TVP23B: variants seen among roughly 807,000 people sequenced by gnomAD.
TVP23B encodes the protein Golgi apparatus membrane protein TVP23 homolog B.
In TVP23B, 10 loss-of-function variants were observed where a neutral mutation model predicts 30.6. That is an observed-to-expected ratio of 0.33 (90% CI 0.20 to 0.55). The LOEUF (loss-of-function observed/expected upper bound fraction) is 0.55, where lower values mean the gene tolerates loss of function less well. Among genes scored for constraint, TVP23B ranks in the 20% least tolerant of loss-of-function variants. The pLI is 0.91. For missense variants in TVP23B, 153 were observed against 243.2 expected, an observed-to-expected ratio of 0.63 and a Z score of 2.47; for synonymous variants, 67 against 83.1, an observed-to-expected ratio of 0.81 and a Z score of 1.06.
At chr17:18,781,626 G>C in intron 1 of TVP23B, 1 of 402,550 alleles carries the variant, frequency 2.5e-6, no homozygotes, top group Non-Finnish European at 4.4e-6. Context: ...CGGCCTGCGG[G>C]CCTCTTAGCT....
chr17:18,789,246 C>T (rs1478149732), intron 1 of TVP23B, 107 bp from the exon 2 acceptor site: 8 of 1,477,142 alleles, frequency 5.4e-6, no homozygotes, highest in African/African-American at 1.4e-5. Context: ...GATGCTGTAA[C>T]CACATTATTT....
intron 3 of TVP23B, chr17:18,796,641 A>G (rs1597620979): frequency 6.6e-6 from 1 of 152,050 alleles, no homozygotes; most frequent in African/African-American, 2.4e-5. Flanking sequence ...TGTGATTTCT[A>G]TTGTGTCAGG....
rs748929546 is a variant in TVP23B at position 18,789,396 on chromosome 17, A to G, written c.56A>G (p.Glu19Gly). Residue 19 changes from glutamate (E) to glycine (G), a missense_variant, in exon 2 of 7, where the codon GAA becomes GGA. Around this residue, in one of 3 missense-constraint regions of TVP23B, gnomAD observed 38 missense variants for 40.9 expected, o/e 0.93. Transcript: ENST00000307767. ...GAAGATGTTTCACTGTTTGATGCGG[A>G]AGAGGAGACGACTAATAGACCAAGA... ...DTEDVSLFDA[E>G]EETTNRPRKA... is the part of the protein sequence containing the mutation. 2 of 1,613,868 alleles carry G rather than the reference A, an allele frequency of 1.2e-6. No homozygotes were observed. The highest frequency in any genetic ancestry group is 4.5e-5 in the East Asian group (2 of 44,900).
intron 6 of TVP23B, among the ~76,000 whole-genome samples, chr17:18,805,078 CTTTTTTT>C (rs71155360): frequency 1.0e-4 from 11 of 108,722 alleles, no homozygotes; most frequent in African/African-American, 1.7e-4. Flanking sequence ...GTGACTAGGT[CTTTTTTT>C]TTTTTTTTTT....
intron 1 of TVP23B, among the ~76,000 whole-genome samples, chr17:18,783,929 G>A (rs544868556): frequency 2.0e-5 from 3 of 152,252 alleles, no homozygotes; most frequent in East Asian, 1.9e-4. Flanking sequence ...GGTGGATCAC[G>A]AGGTCAGGAG....
rs190037588 is a variant in TVP23B, at chr17:18,805,719, A to C, written c.*152A>C. The C allele has an allele frequency of 6.8e-4, 988 of 1,455,232 alleles. 5 individuals are homozygous for C. In the African/African-American group the frequency reaches 0.013, roughly 19 times the overall value. 90.1% of individuals were successfully genotyped at this position (1,455,232 alleles called of 1,614,324 possible). ...TTTATAAAAAGGAAAAGTAGTTTTC[A>C]TATTAAGTTTTTATTTCCTTTCCAG... On this transcript the variant is annotated 3_prime_UTR_variant, in exon 7 of 7. Transcript: ENST00000307767.
intron 3 of TVP23B, 24 bp downstream of exon 3, chr17:18,791,064 A>T (rs1256554804): frequency 1.3e-6 from 2 of 1,557,322 alleles, no homozygotes; most frequent in African/African-American, 2.8e-5. Flanking sequence ...TTTTTATTTT[A>T]AAATTATATT....
chr17:18,800,769 TG>T (rs1333303752), intron 5 of TVP23B, among the ~76,000 whole-genome samples: 2 of 152,254 alleles, frequency 1.3e-5, no homozygotes, highest in African/African-American at 4.8e-5. Flanking sequence ...GTTAAATCTT[TG>T]CATTTATTTA....
chr17:18,783,144 T>A lies in TVP23B; in HGVS notation c.12+1839T>A, dbSNP rs2035836205. On this transcript the variant is annotated intron_variant, in intron 1 of 6. Transcript: ENST00000307767. ...TTATGAGACGGAGTTTCACTCTTGT[T>A]GCCCAGGCTGGAGTACAATGGTGTG... Among the ~76,000 whole-genome samples the A allele has an allele frequency of 2.0e-5, 3 of 149,966 alleles. No individual in the cohort carries two copies. In the South Asian group the frequency reaches 6.3e-4, roughly 31 times the overall value.
chr17:18,792,869 A>G (rs973612465), intron 3 of TVP23B, among the ~76,000 whole-genome samples: 6 of 152,220 alleles, frequency 3.9e-5, no homozygotes, highest in African/African-American at 1.2e-4. Context: ...CAGTTAAAAT[A>G]GAGATGTGTC....
At position 18,799,721 on chromosome 17, in the gene TVP23B, A is replaced by G. The variant is rs374994966; in HGVS notation, c.462+778A>G. Among the ~76,000 whole-genome samples the G allele has an allele frequency of 1.6e-4, 24 of 151,892 alleles. No homozygotes were observed. The South Asian group carries it at 4.8e-3, about 30-fold the overall frequency. ...CTTACTCTTTTTTATATCTCATATT[A>G]TTTTTTCTTATTCTATCTTATATCT... is the stretch of plus-strand genomic sequence containing the variant. On this transcript the variant is annotated intron_variant, in intron 5 of 6. Coordinates refer to ENST00000307767, the MANE Select transcript of TVP23B (RefSeq NM_016078.6).
intron 2 of TVP23B, among the ~76,000 whole-genome samples, chr17:18,790,449 G>A (rs533255266): frequency 5.2e-4 from 70 of 134,406 alleles, no homozygotes; most frequent in African/African-American, 1.9e-3. Flanking sequence ...GGGCGACGGA[G>A]CGAGACTCCG....
chr17:18,785,905 G>A (rs1254189918), intron 1 of TVP23B, among the ~76,000 whole-genome samples: 1 of 152,032 alleles, frequency 6.6e-6, no homozygotes, highest in East Asian at 1.9e-4. Flanking sequence ...CTGCGGCAGT[G>A]AAGTCATATG....
At position 18,806,077 on chromosome 17, in the gene TVP23B, G is replaced by A. The variant is rs1363281412; in HGVS notation, c.*510G>A. ...ATTGTTAGTTTTTAATATGCACTTC[G>A]TGGGGAAATTTCTTAGACGTATGCA... On this transcript the variant is annotated 3_prime_UTR_variant, in exon 7 of 7. Transcript: ENST00000307767. 2.0e-6 allele frequency: 2 copies of A among 980,264 alleles called. No individual in the cohort carries two copies. Among genetic ancestry groups the A allele is most frequent in the Admixed American group, 6.2e-5 (1 of 16,254 alleles). The allele number at this position is 980,264 out of a possible 1,614,324, so 60.7% of individuals were successfully genotyped here. A position where few individuals can be genotyped will look rare whatever the true frequency, so the allele number is the denominator to read the frequency against.
intron 3 of TVP23B, 112 bp from the exon 4 acceptor site, chr17:18,797,466 TG>T: frequency 1.3e-6 from 2 of 1,511,446 alleles, no homozygotes; most frequent in South Asian, 1.3e-5. Context: ...CTGGATATTA[TG>T]GAGGTAAAGC....
chr17:18,791,478 G>T (rs1279405408), intron 3 of TVP23B, among the ~76,000 whole-genome samples: 3 of 151,678 alleles, frequency 2.0e-5, no homozygotes, highest in Admixed American at 6.6e-5. Context: ...TTTTGAAAAG[G>T]CTCCTATGGA....
At chr17:18,794,331 C>G (rs2036043224) in intron 3 of TVP23B, among the ~76,000 whole-genome samples, 1 of 152,126 alleles carries the variant, frequency 6.6e-6, no homozygotes, top group African/African-American at 2.4e-5. Context: ...GCCCAAAGCA[C>G]CTACATTTTC....
Position 18,790,924 on chromosome 17 carries a change from T to C in TVP23B, c.124T>C (p.Phe42Leu), listed in dbSNP as rs757056737. The C allele has an allele frequency of 6.6e-5, 106 of 1,611,408 alleles. No homozygotes were observed. Among genetic ancestry groups the C allele is most frequent in the Non-Finnish European group, 8.1e-5 (95 of 1,179,252 alleles). ...TCCAGTAGCATCGTTTTTCCACTTA[T>C]TCTTTCGAGTCAGTGCAATCATCGT... Reference protein sequence around the residue: ...RHPVASFFHLFFRVSAIIVYL... With the variant: ...RHPVASFFHLLFRVSAIIVYL... Residue 42 changes from phenylalanine (F) to leucine (L), a missense_variant, in exon 3 of 7, where the codon TTC (phenylalanine) becomes CTC (leucine). Physicochemically the swap from Phe to Leu is conservative, Grantham distance 22 (BLOSUM62 0). Coordinates refer to ENST00000307767, the MANE Select transcript of TVP23B (RefSeq NM_016078.6).
chr17:18,800,660 G>A (rs1258728865), intron 5 of TVP23B, among the ~76,000 whole-genome samples: 1 of 151,720 alleles, frequency 6.6e-6, no homozygotes, highest in Non-Finnish European at 1.5e-5. Context: ...ATGTAACCCA[G>A]ATGTATCTGT....
Sources: allele counts gnomAD v4.1 joint callset (sites outside exome capture counted in the v4.1 genomes callset), GRCh38; gene constraint gnomAD v4.1.1; regional missense constraint gnomAD v4.1.1; transcripts MANE v1.5; gene names NCBI Gene and HGNC (gene_info 2026-07-23, HGNC 2026-07-21).